The following ADCY5 variants were observed in gnomAD, a reference collection of about 807,000 sequenced individuals.
ADCY5 encodes the protein adenylate cyclase type 5.
In ADCY5, 30 loss-of-function variants were observed where a neutral mutation model predicts 119.7. The observed-to-expected ratio is 0.25, with a 90% CI of 0.19 to 0.34. The LOEUF (loss-of-function observed/expected upper bound fraction) is 0.34, where lower values mean the gene tolerates loss of function less well. Among genes scored for constraint, ADCY5 ranks in the 10% least tolerant of loss-of-function variants. The pLI is 1.00. For missense variants in ADCY5, 1,324 were observed against 1,775.2 expected, an observed-to-expected ratio of 0.75 and a Z score of 4.57; for synonymous variants, 753 against 762.2, an observed-to-expected ratio of 0.99 and a Z score of 0.20.
intron 1 of ADCY5, among the ~76,000 whole-genome samples, chr3:123,395,297 C>G (rs1447679711): frequency 1.3e-5 from 2 of 152,190 alleles, no homozygotes; most frequent in Admixed American, 6.5e-5. Flanking sequence ...AAGCTGTAAC[C>G]CCAGTCTACC....
intron 8 of ADCY5, 27 bp downstream of exon 8, chr3:123,325,295 C>T (rs768427308): frequency 2.2e-5 from 36 of 1,612,988 alleles, no homozygotes; most frequent in Admixed American, 3.3e-5. Flanking sequence ...AGAGTGTTGC[C>T]CACAGGCTGC....
Position 123,282,747 on chromosome 3 carries a change from GC to G in ADCY5, c.*1860del, listed in dbSNP as rs1342488172. 2.6e-5 allele frequency: 4 copies of G among 152,528 alleles called. No individual in the cohort carries two copies. Among genetic ancestry groups the G allele is most frequent in the Non-Finnish European group, 4.4e-5 (3 of 68,148 alleles). 9.4% of individuals were successfully genotyped at this position (152,528 alleles called of 1,614,324 possible). On this transcript the variant is annotated 3_prime_UTR_variant, in exon 21 of 21. Transcript: ENST00000462833. ...GGGTCCACACACTTTGCTTCTCAGA[GC>G]TGTGTTCAGTTGGTGTGCGGGGAGG...
intron 1 of ADCY5, among the ~76,000 whole-genome samples, chr3:123,365,868 C>G (rs1052007589): frequency 6.6e-6 from 1 of 151,958 alleles, no homozygotes; most frequent in Non-Finnish European, 1.5e-5. Context: ...GGTTAGGAAA[C>G]TTGATTTATC....
intron 3 of ADCY5, among the ~76,000 whole-genome samples, chr3:123,333,955 A>C (rs1227924307): frequency 6.6e-6 from 1 of 152,018 alleles, no homozygotes; most frequent in East Asian, 1.9e-4. Context: ...GAAGCCCCCA[A>C]TTCCTCCTTC....
chr3:123,403,888 G>C lies in ADCY5; in HGVS notation c.1134+43524C>G, dbSNP rs535792719. On this transcript the variant is annotated intron_variant, in intron 1 of 20. Transcript: ENST00000462833. ...CTCTGGAATCCATATCCATCCTCTGGACCTTCTCTGCTCTCTCCAGACAGA... is the reference window on the plus strand; with the variant it reads ...CTCTGGAATCCATATCCATCCTCTGCACCTTCTCTGCTCTCTCCAGACAGA... 1.2e-4 allele frequency among the ~76,000 whole-genome samples: 19 copies of C among 152,166 alleles called. 1 individual carries two copies. The South Asian group carries it at 4.0e-3, about 32-fold the overall frequency.
chr3:123,290,823 G>A (rs1414302923), intron 18 of ADCY5, among the ~76,000 whole-genome samples: 2 of 152,170 alleles, frequency 1.3e-5, no homozygotes, highest in Admixed American at 1.3e-4. Context: ...CAAACAGTGT[G>A]GGCTGAAACC....
At chr3:123,388,266 G>A (rs1944292878) in intron 1 of ADCY5, among the ~76,000 whole-genome samples, 1 of 152,186 alleles carries the variant, frequency 6.6e-6, no homozygotes, top group African/African-American at 2.4e-5. Context: ...GCGGAGGTTG[G>A]AGGAATGGAG....
chr3:123,435,985 GGT>G (rs1383741577), intron 1 of ADCY5, among the ~76,000 whole-genome samples: 1 of 150,484 alleles, frequency 6.6e-6, no homozygotes, highest in Non-Finnish European at 1.5e-5. Context: ...CTGCCTCCCG[GGT>G]TCAAGCGATT....
chr3:123,416,079 C>T lies in ADCY5; in HGVS notation c.1134+31333G>A, dbSNP rs560703953. 3 of 1,307,730 alleles carry T rather than the reference C, an allele frequency of 2.3e-6. No homozygotes were observed. The South Asian group carries it at 4.0e-5, about 18-fold the overall frequency. 81.0% of individuals were successfully genotyped at this position (1,307,730 alleles called of 1,614,324 possible). On this transcript the variant is annotated intron_variant, in intron 1 of 20. Transcript: ENST00000462833. ...CCACCTAGGGTCAGGGGTTACAGTA[C>T]AGGCCCCAGGTGAGGTGTCCAAGAA...
intron 19 of ADCY5, chr3:123,287,099 C>T: frequency 3.3e-6 from 1 of 300,890 alleles, no homozygotes; most frequent in Non-Finnish European, 6.2e-6. Flanking sequence ...TTTCCCTAAT[C>T]CTCCTCCTCT....
chr3:123,402,950 T>C (rs1007810701), intron 1 of ADCY5, among the ~76,000 whole-genome samples: 7 of 151,806 alleles, frequency 4.6e-5, no homozygotes, highest in Admixed American at 2.0e-4. Context: ...TAATTAGAGA[T>C]TGGTGATTTA....
In ADCY5 at chr3:123,296,122, C is replaced by T. The variant is rs1456680841; in HGVS notation, c.3025G>A (p.Glu1009Lys). 6.2e-7 allele frequency: 1 copy of T among 1,614,114 alleles called. No individual in the cohort carries two copies. The highest frequency in any genetic ancestry group is 1.7e-5 in the Admixed American group (1 of 60,024). Reference sequence around the variant, plus strand: ...AGGAAGTCGAGGCGGGCAGTGGACTCCACCTGCTGGGCGTGCAGGTACAGG... The same window carrying T: ...AGGAAGTCGAGGCGGGCAGTGGACTTCACCTGCTGGGCGTGCAGGTACAGG... ...LALYLHAQQV[E>K]STARLDFLWK... Residue 1009 changes from glutamate to lysine, a missense_variant, in exon 17 of 21, where the codon GAG (glutamate) becomes AAG (lysine). Around this residue, in one of 6 missense-constraint regions of ADCY5, gnomAD observed 14 missense variants for 24.4 expected, o/e 0.57. Coordinates refer to ENST00000462833, the MANE Select transcript of ADCY5 (RefSeq NM_183357.3).
At chr3:123,380,240 C>T (rs938831164) in intron 1 of ADCY5, among the ~76,000 whole-genome samples, 1 of 152,190 alleles carries the variant, frequency 6.6e-6, no homozygotes, top group Non-Finnish European at 1.5e-5. Flanking sequence ...CAACCACAAA[C>T]GTTTACAGGG....
chr3:123,289,052 A>G (rs1159433219), intron 19 of ADCY5, among the ~76,000 whole-genome samples: 1 of 152,260 alleles, frequency 6.6e-6, no homozygotes, highest in Non-Finnish European at 1.5e-5. Flanking sequence ...AACTTGTATA[A>G]AAAGAGTAAA....
At chr3:123,406,592 G>A (rs908912334) in intron 1 of ADCY5, among the ~76,000 whole-genome samples, 1 of 152,118 alleles carries the variant, frequency 6.6e-6, no homozygotes, top group Non-Finnish European at 1.5e-5. Context: ...GAGAGGAAAG[G>A]GATTTTTTTC....
At chr3:123,369,115 A>T (rs987969955) in intron 1 of ADCY5, among the ~76,000 whole-genome samples, 2 of 152,180 alleles carry the variant, frequency 1.3e-5, no homozygotes, top group Admixed American at 1.3e-4. Context: ...AATAAGGATT[A>T]AAGTCATCAG....
At chr3:123,310,597 A>G (rs1169554246) in intron 12 of ADCY5, among the ~76,000 whole-genome samples, 1 of 152,220 alleles carries the variant, frequency 6.6e-6, no homozygotes. Flanking sequence ...GATGGTGAGC[A>G]GGGCTTTAAC....
At chr3:123,345,116 A>ACT (rs1422167414) in intron 3 of ADCY5, among the ~76,000 whole-genome samples, 2 of 152,174 alleles carry the variant, frequency 1.3e-5, no homozygotes, top group Non-Finnish European at 2.9e-5. Flanking sequence ...AGACAGAGGG[A>ACT]GGAGTCACCC....
chr3:123,413,390 G>A (rs1391942056), intron 1 of ADCY5, among the ~76,000 whole-genome samples: 1 of 152,198 alleles, frequency 6.6e-6, no homozygotes, highest in Non-Finnish European at 1.5e-5. Context: ...GTTGATTTCT[G>A]GAGGCCTCTG....
Sources: allele counts gnomAD v4.1 joint callset (sites outside exome capture counted in the v4.1 genomes callset), GRCh38; gene constraint gnomAD v4.1.1; regional missense constraint gnomAD v4.1.1; transcripts MANE v1.5; gene names NCBI Gene and HGNC (gene_info 2026-07-23, HGNC 2026-07-21).